Variants in SNRNP40 observed in about 807,000 individuals in gnomAD.
SNRNP40 encodes the protein U5 small nuclear ribonucleoprotein 40 kDa protein.
Under a neutral mutation model 45.8 loss-of-function variants are expected in SNRNP40, and 21 were observed. That is an observed-to-expected ratio of 0.46 (90% CI 0.32 to 0.66). The LOEUF (loss-of-function observed/expected upper bound fraction) is 0.66, where lower values mean the gene tolerates loss of function less well. Among genes scored for constraint, SNRNP40 ranks in the 30% least tolerant of loss-of-function variants. The probability of loss-of-function intolerance (pLI) is 0.03; values close to 1 mark genes in which losing one functional copy is unlikely to be tolerated. For synonymous variants in SNRNP40, 142 were observed against 163.8 expected, an observed-to-expected ratio of 0.87 and a Z score of 1.01; for missense variants, 344 against 439.1, an observed-to-expected ratio of 0.78 and a Z score of 1.94.
In SNRNP40 at chr1:31,272,466, T is replaced by C. The variant is rs184586418; in HGVS notation, c.655-967A>G. 1.3e-3 allele frequency among the ~76,000 whole-genome samples: 196 copies of C among 152,318 alleles called. 2 individuals are homozygous for C. Among genetic ancestry groups the C allele is most frequent in the East Asian group, 5.2e-3 (27 of 5,184 alleles). On this transcript the variant is annotated intron_variant, in intron 5 of 9. Transcript: ENST00000263694. ...CAAAACTGAATTCTCATACAGGAGA[T>C]AGCATGACAGAGTAGAAAGAGTGGT... is the stretch of plus-strand genomic sequence containing the variant.
chr1:31,293,461 C>T, intron 1 of SNRNP40, 113 bp from the exon 2 acceptor site: 1 of 1,068,102 alleles, frequency 9.4e-7, no homozygotes, highest in Non-Finnish European at 1.3e-6. Flanking sequence ...AAGTGGGTTT[C>T]ATCTGACTTA....
intron 8 of SNRNP40, 83 bp downstream of exon 8, chr1:31,267,788 T>G (rs1275020812): frequency 1.9e-6 from 2 of 1,054,694 alleles, no homozygotes; most frequent in African/African-American, 3.1e-5. Context: ...CGCCTCGGCC[T>G]CCCAAAGTGC....
chr1:31,294,942 T>TA (rs1172388322), intron 1 of SNRNP40, among the ~76,000 whole-genome samples: 165 of 128,878 alleles, frequency 1.3e-3, no homozygotes, highest in Admixed American at 1.6e-3. Flanking sequence ...AATTCCATCT[T>TA]AAAAAAAAAA....
intron 1 of SNRNP40, among the ~76,000 whole-genome samples, chr1:31,293,820 C>T (rs1646123189): frequency 6.6e-6 from 1 of 152,000 alleles, no homozygotes; most frequent in Admixed American, 6.6e-5. Flanking sequence ...GGCCTCCCTC[C>T]TTGGCCTCCC....
chr1:31,269,839 T>C (rs995604562), intron 6 of SNRNP40, among the ~76,000 whole-genome samples: 1 of 152,212 alleles, frequency 6.6e-6, no homozygotes, highest in African/African-American at 2.4e-5. Flanking sequence ...AGATTGTTTG[T>C]GTCTTGGTTT....
At chr1:31,283,822 A>C (rs1460651194) in intron 4 of SNRNP40, among the ~76,000 whole-genome samples, 4 of 152,258 alleles carry the variant, frequency 2.6e-5, no homozygotes, top group Admixed American at 2.6e-4. Context: ...GTGCTAAGAC[A>C]ACTGGCTAAC....
chr1:31,277,848 C>A (rs1439385423), intron 5 of SNRNP40, among the ~76,000 whole-genome samples: 1 of 152,166 alleles, frequency 6.6e-6, no homozygotes, highest in Non-Finnish European at 1.5e-5. Flanking sequence ...GCGCATGCCA[C>A]CATGCCTGGT....
At chr1:31,277,253 T>C (rs1308290153) in intron 5 of SNRNP40, among the ~76,000 whole-genome samples, 6 of 152,140 alleles carry the variant, frequency 3.9e-5, no homozygotes, top group East Asian at 3.8e-4. Context: ...ATACAAAACA[T>C]TGTAGTACAG....
chr1:31,290,634 T>C (rs1047417133), intron 3 of SNRNP40, among the ~76,000 whole-genome samples: 1 of 152,106 alleles, frequency 6.6e-6, no homozygotes, highest in Non-Finnish European at 1.5e-5. Context: ...TCCCAGCATT[T>C]TGGGAGGCCA....
chr1:31,274,942 C>A (rs1424287086), intron 5 of SNRNP40, among the ~76,000 whole-genome samples: 1 of 152,162 alleles, frequency 6.6e-6, no homozygotes, highest in African/African-American at 2.4e-5. Context: ...CTAAGATAGA[C>A]TGAGAAACAA....
intron 1 of SNRNP40, 118 bp from the exon 2 acceptor site, chr1:31,293,466 G>A (rs1646120992): frequency 9.8e-7 from 1 of 1,016,786 alleles, no homozygotes; most frequent in Non-Finnish European, 1.4e-6. Context: ...GGTTTCATCT[G>A]ACTTACAGAA....
chr1:31,295,393 T>C (rs1569683317), intron 1 of SNRNP40, among the ~76,000 whole-genome samples: 1 of 152,054 alleles, frequency 6.6e-6, no homozygotes, highest in Non-Finnish European at 1.5e-5. Context: ...CCACAGTATG[T>C]GGTACTGCAA....
chr1:31,282,916 T>G (rs1646030385), intron 4 of SNRNP40, among the ~76,000 whole-genome samples: 1 of 152,156 alleles, frequency 6.6e-6, no homozygotes, highest in Non-Finnish European at 1.5e-5. Context: ...CCTCAAGTGA[T>G]CTGTCTGCCT....
At chr1:31,279,518 C>T (rs942240137) in intron 5 of SNRNP40, among the ~76,000 whole-genome samples, 4 of 152,190 alleles carry the variant, frequency 2.6e-5, no homozygotes, top group East Asian at 1.9e-4. Flanking sequence ...GAGGCCAAGG[C>T]GGGTGGATCA....
Position 31,269,460 on chromosome 1 carries a change from G to A in SNRNP40, c.776-220C>T, listed in dbSNP as rs903068236. ...ATAACTGGGGCTAGCTGAGGGGGCA[G>A]GAAGGAAAAATGTCACACACAATGT... On this transcript the variant is annotated intron_variant, in intron 6 of 9. Coordinates refer to ENST00000263694, the MANE Select transcript of SNRNP40 (RefSeq NM_004814.3). The A allele has an allele frequency of 6.9e-6, 8 of 1,153,872 alleles. No individual in the cohort carries two copies. The African/African-American group carries it at 7.9e-5, about 11-fold the overall frequency. The allele number at this position is 1,153,872 out of a possible 1,614,324, so 71.5% of individuals were successfully genotyped here. A position where few individuals can be genotyped will look rare whatever the true frequency, so the allele number is the denominator to read the frequency against.
chr1:31,285,248 T>C (rs1371049075), intron 4 of SNRNP40, among the ~76,000 whole-genome samples: 1 of 151,438 alleles, frequency 6.6e-6, no homozygotes, highest in East Asian at 1.9e-4. Flanking sequence ...TCACCTTTTT[T>C]TTTTTTTTGA....
At chr1:31,277,665 A>C (rs980680880) in intron 5 of SNRNP40, among the ~76,000 whole-genome samples, 6 of 152,150 alleles carry the variant, frequency 3.9e-5, no homozygotes, top group African/African-American at 1.4e-4. Flanking sequence ...GAAAAATTTG[A>C]ATGTTTGTGG....
chr1:31,286,133 G>A (rs1261796815), intron 4 of SNRNP40, among the ~76,000 whole-genome samples: 2 of 151,832 alleles, frequency 1.3e-5, no homozygotes, highest in Non-Finnish European at 2.9e-5. Context: ...AACCTTTTCA[G>A]TGGACAGTCA....
rs199960563 is a variant in SNRNP40 at position 31,260,138 on chromosome 1, A to G, written c.1025-17T>C. ...CTGAGATAACTGAGGTAAAAAGAAC[A>G]GATAACTAGAAATAATGAAGGCTCA... is the stretch of plus-strand genomic sequence containing the variant. On this transcript the variant is annotated splice_polypyrimidine_tract_variant and intron_variant, in intron 9 of 9. Transcript: ENST00000263694. 3,626 of 1,553,518 alleles carry G rather than the reference A, an allele frequency of 2.3e-3. 7 individuals carry two copies. Among genetic ancestry groups the G allele is most frequent in the Non-Finnish European group, 2.4e-3 (2,786 of 1,146,072 alleles).
Sources: gnomAD v4.1 joint callset for allele counts (sites outside exome capture counted in the v4.1 genomes callset) on GRCh38, gnomAD v4.1.1 for gene constraint, MANE v1.5 for transcripts, NCBI Gene and HGNC (gene_info 2026-07-23, HGNC 2026-07-21) for gene names.